PKIB: variants seen among roughly 807,000 people sequenced by gnomAD.
PKIB encodes the protein cAMP-dependent protein kinase inhibitor beta.
A neutral mutation model predicts 4.5 loss-of-function variants in PKIB; 2 were observed. The observed-to-expected ratio is 0.44, with a 90% CI of 0.18 to 1.39. The LOEUF (loss-of-function observed/expected upper bound fraction) is 1.39. PKIB is among the 40% of genes most tolerant of loss of function. The pLI is 0.27. For missense variants in PKIB, 94 were observed against 92.6 expected (o/e 1.02, Z -0.06); for synonymous variants, 38 against 36.0 (o/e 1.06, Z -0.20).
At chr6:122,622,990 C>T (rs186428457) in intron 1 of PKIB, among the ~76,000 whole-genome samples, 63 of 152,234 alleles carry the variant, frequency 4.1e-4, no homozygotes, top group Admixed American at 2.2e-3. Context: ...TGGGTCAATG[C>T]AAAGTAATTT....
At position 122,599,150 on chromosome 6, in the gene PKIB, G is replaced by A. The variant is rs1774275008; in HGVS notation, c.-161+13143G>A. 2.0e-5 allele frequency among the ~76,000 whole-genome samples: 3 copies of A among 152,120 alleles called. No individual in the cohort carries two copies. The South Asian group carries it at 6.2e-4, about 32-fold the overall frequency. On this transcript the variant is annotated intron_variant, in intron 3 of 6. Transcript: ENST00000392491. The stretch of plus-strand genomic sequence containing the variant: ...TTATCTTGTCTGGCAATTGCCTCAG[G>A]GGAGGCCATCGCTGTTGCCTCAAGC...
intron 3 of PKIB, among the ~76,000 whole-genome samples, chr6:122,693,439 A>G (rs1562305579): frequency 2.0e-5 from 3 of 152,264 alleles, no homozygotes; most frequent in Non-Finnish European, 2.9e-5. Context: ...GAATTTTCTC[A>G]TACTAAAATT....
rs1426823499 is a variant in PKIB, at chr6:122,492,178, TAG to T, written c.-248+14247_-248+14248del. Among the ~76,000 whole-genome samples the T allele has an allele frequency of 9.4e-4, 143 of 152,266 alleles. 2 individuals carry two copies. Among genetic ancestry groups the T allele is most frequent in the Non-Finnish European group, 7.3e-5 (5 of 68,028 alleles). On this transcript the variant is annotated intron_variant, in intron 2 of 6. Coordinates refer to the PKIB transcript ENST00000392491. ...ATGTCAGTTGAAAGGATACTGATTT[TAG>T]AGAGAGAAATACATTTATGTATTCA...
At chr6:122,594,884 T>C (rs1007749228) in intron 3 of PKIB, among the ~76,000 whole-genome samples, 6 of 152,224 alleles carry the variant, frequency 3.9e-5, no homozygotes, top group Admixed American at 3.9e-4. Flanking sequence ...AGTAGTAGAC[T>C]GATTTCATCT....
chr6:122,612,689 A>T (rs1774811304), intron 1 of PKIB, among the ~76,000 whole-genome samples: 1 of 152,144 alleles, frequency 6.6e-6, no homozygotes, highest in African/African-American at 2.4e-5. Flanking sequence ...TTGTCAATTT[A>T]CTAGTGGATG....
rs550383069 is a variant in PKIB at position 122,540,391 on chromosome 6, C to T, written c.-247-45530C>T. Among the ~76,000 whole-genome samples, 24 of 151,960 alleles carry T rather than the reference C, an allele frequency of 1.6e-4. 1 individual carries two copies. In the South Asian group the frequency reaches 4.2e-3, roughly 26 times the overall value. On this transcript the variant is annotated intron_variant, in intron 2 of 6. Coordinates refer to the PKIB transcript ENST00000392491. ...TTCTGGTATGTTGTGTCTTTGTTCTCGTTGGTTTCAAAGAACATCTTTATT... is the reference window on the plus strand; with the variant it reads ...TTCTGGTATGTTGTGTCTTTGTTCTTGTTGGTTTCAAAGAACATCTTTATT...
At chr6:122,620,140 T>C (rs1775165637) in intron 1 of PKIB, among the ~76,000 whole-genome samples, 2 of 152,188 alleles carry the variant, frequency 1.3e-5, no homozygotes, top group Non-Finnish European at 2.9e-5. Flanking sequence ...GCACTCTGGC[T>C]ATACCATCCT....
intron 2 of PKIB, among the ~76,000 whole-genome samples, chr6:122,635,917 A>G (rs1401557060): frequency 2.0e-5 from 3 of 152,306 alleles, no homozygotes; most frequent in South Asian, 4.1e-4. Context: ...GGCTTACTAC[A>G]TGACCAATTT....
chr6:122,622,728 G>A (rs1448293394), intron 1 of PKIB, among the ~76,000 whole-genome samples: 1 of 149,152 alleles, frequency 6.7e-6, no homozygotes, highest in Non-Finnish European at 1.5e-5. Flanking sequence ...CCCTACCGGA[G>A]AAGTAGTACA....
At chr6:122,638,335 C>T (rs1776004803) in intron 2 of PKIB, among the ~76,000 whole-genome samples, 2 of 152,084 alleles carry the variant, frequency 1.3e-5, no homozygotes, top group African/African-American at 4.8e-5. Context: ...ATTTTCTGTC[C>T]CAGGCCATAT....
chr6:122,705,787 G>A (rs779148555), intron 3 of PKIB, among the ~76,000 whole-genome samples: 7 of 151,926 alleles, frequency 4.6e-5, no homozygotes, highest in Non-Finnish European at 8.8e-5. Context: ...GGATGGTCTC[G>A]ATCTCCTGAC....
Position 122,549,891 on chromosome 6 carries a change from T to C in PKIB, c.-247-36030T>C, listed in dbSNP as rs192414154. The stretch of plus-strand genomic sequence containing the variant: ...ATATAAAAATATATAATTTTATATA[T>C]ACACACACACACACACACATATATA... On this transcript the variant is annotated intron_variant, in intron 2 of 6. Transcript: ENST00000392491. Among the ~76,000 whole-genome samples, 263 of 144,168 alleles carry C rather than the reference T, an allele frequency of 1.8e-3. 1 individual carries two copies. Among genetic ancestry groups the C allele is most frequent in the East Asian group, 4.9e-3 (23 of 4,722 alleles). 94.6% of individuals were successfully genotyped at this position (144,168 alleles called of 152,430 possible).
rs377553627 is a variant in PKIB, at chr6:122,540,017, G to A, written c.-247-45904G>A. 3.3e-4 allele frequency among the ~76,000 whole-genome samples: 50 copies of A among 151,988 alleles called. 1 individual carries two copies. The highest frequency in any genetic ancestry group is 7.7e-4 in the African/African-American group (32 of 41,402). ...TGGTAGTTTGTATTTCTATGGGATC[G>A]GTGGTGATATCCCCTTTATCATTTT... On this transcript the variant is annotated intron_variant, in intron 2 of 6. Coordinates refer to the PKIB transcript ENST00000392491.
intron 2 of PKIB, among the ~76,000 whole-genome samples, chr6:122,568,608 A>G (rs1010986188): frequency 1.3e-5 from 2 of 152,212 alleles, no homozygotes; most frequent in African/African-American, 2.4e-5. Flanking sequence ...ATTACTGACT[A>G]TATCTCACAG....
At chr6:122,715,050 G>T (rs992720380) in intron 3 of PKIB, among the ~76,000 whole-genome samples, 4 of 151,058 alleles carry the variant, frequency 2.6e-5, no homozygotes, top group African/African-American at 9.7e-5. Flanking sequence ...CTCCCAAAGT[G>T]CTGGGATTAC....
chr6:122,595,672 G>T (rs1276635454), intron 3 of PKIB, among the ~76,000 whole-genome samples: 3 of 152,338 alleles, frequency 2.0e-5, no homozygotes, highest in East Asian at 3.9e-4. Context: ...CGAGGGCTCA[G>T]TATTGGTCTC....
chr6:122,486,827 T>A (rs1775780794), intron 2 of PKIB, among the ~76,000 whole-genome samples: 1 of 152,196 alleles, frequency 6.6e-6, no homozygotes, highest in Admixed American at 6.5e-5. Context: ...TAAAACATCT[T>A]AGTTGAAATA....
chr6:122,716,094 A>C (rs916667304), intron 3 of PKIB, among the ~76,000 whole-genome samples: 1 of 152,180 alleles, frequency 6.6e-6, no homozygotes, highest in African/African-American at 2.4e-5. Flanking sequence ...ATAGGAAAAT[A>C]CTTTTTGTTA....
chr6:122,700,165 G>A lies in PKIB; in HGVS notation c.-8-17622G>A, dbSNP rs914233596. ...TCAAATTGTAGATCTTTGTTTTAGGGTTCTGTTGTTGTTGTTGTTGTTGTT... is the reference window on the plus strand; with the variant it reads ...TCAAATTGTAGATCTTTGTTTTAGGATTCTGTTGTTGTTGTTGTTGTTGTT... On this transcript the variant is annotated intron_variant, in intron 3 of 4. Coordinates refer to ENST00000368452, the MANE Select transcript of PKIB (RefSeq NM_181795.3). 5.2e-5 allele frequency among the ~76,000 whole-genome samples: 4 copies of A among 76,518 alleles called. No individual in the cohort carries two copies. The Admixed American group carries it at 6.6e-4, about 13-fold the overall frequency. The allele number at this position is 76,518 out of a possible 152,430, so 50.2% of individuals were successfully genotyped here. A position where few individuals can be genotyped will look rare whatever the true frequency, so the allele number is the denominator to read the frequency against.
Sources: allele counts gnomAD v4.1 joint callset (sites outside exome capture counted in the v4.1 genomes callset), GRCh38; gene constraint gnomAD v4.1.1; transcripts MANE v1.5; gene names NCBI Gene and HGNC (gene_info 2026-07-23, HGNC 2026-07-21).